The following ADGRB1 variants were observed in gnomAD, a reference collection of about 807,000 sequenced individuals.
ADGRB1 encodes brain-specific angiogenesis inhibitor 1.
In ADGRB1, 36 loss-of-function variants were observed where a neutral mutation model predicts 175.7. The observed-to-expected ratio is 0.20, with a 90% CI of 0.16 to 0.27. The LOEUF is 0.27. ADGRB1 is among the 10% of genes least tolerant of loss of function. The probability of loss-of-function intolerance (pLI) is 1.00; values close to 1 mark genes in which losing one functional copy is unlikely to be tolerated. For synonymous variants in ADGRB1, 1,054 were observed against 979.4 expected (o/e 1.08, Z -1.42); for missense variants, 1,731 against 2,255.3 (o/e 0.77, Z 4.71).
chr8:142,477,644 A>G, intron 6 of ADGRB1, 95 bp downstream of exon 6: 1 of 1,442,550 alleles, frequency 6.9e-7, no homozygotes, highest in East Asian at 2.4e-5. Flanking sequence ...AGCTTTGCCC[A>G]CTCCAGACCC....
chr8:142,540,265 G>A (rs1845186562), intron 27 of ADGRB1, among the ~76,000 whole-genome samples: 1 of 152,244 alleles, frequency 6.6e-6, no homozygotes. Context: ...GCTTCCTGGA[G>A]GAAGTGACTT....
intron 25 of ADGRB1, 31 bp from the exon 26 acceptor site, chr8:142,536,956 G>T: frequency 6.5e-7 from 1 of 1,545,174 alleles, no homozygotes. Context: ...GGGCGTGGCT[G>T]CCACTGAGGT....
intron 2 of ADGRB1, among the ~76,000 whole-genome samples, chr8:142,469,696 C>G (rs547042986): frequency 6.9e-6 from 1 of 144,468 alleles, no homozygotes; most frequent in African/African-American, 2.5e-5. Context: ...TGAATGTGTG[C>G]GTGCCTGTGT....
Position 142,460,726 on chromosome 8 carries a change from ACCT to A in ADGRB1, c.-219-3248_-219-3246del, listed in dbSNP as rs1014802880. Among the ~76,000 whole-genome samples, 12 of 151,820 alleles carry A rather than the reference ACCT, an allele frequency of 7.9e-5. 1 individual carries two copies. The highest frequency in any genetic ancestry group is 3.4e-3 in the Middle Eastern group (1 of 294). On this transcript the variant is annotated intron_variant, in intron 1 of 30. Transcript: ENST00000517894. ...CCCTTAGCCCCTCCTCCCTGAAGGTACCTCCTCCCTCCTCCCTCTCCAGGCCAG... is the reference window on the plus strand; with the variant it reads ...CCCTTAGCCCCTCCTCCCTGAAGGTACCTCCCTCCTCCCTCTCCAGGCCAG...
rs183793705 is a variant in ADGRB1, at chr8:142,503,256, C to T, written c.2676-7676C>T. 1.4e-3 allele frequency among the ~76,000 whole-genome samples: 214 copies of T among 152,000 alleles called. 1 individual carries two copies. The Middle Eastern group carries it at 0.031, about 22-fold the overall frequency. Reference sequence around the variant, plus strand: ...GGAAATGGCGGGAGAGCCAAGGGAGCGCTTCCGAGGTCATGGCGGTCTGGG... The same window carrying T: ...GGAAATGGCGGGAGAGCCAAGGGAGTGCTTCCGAGGTCATGGCGGTCTGGG... On this transcript the variant is annotated intron_variant, in intron 17 of 30. Coordinates refer to ENST00000517894, the MANE Select transcript of ADGRB1 (RefSeq NM_001702.3).
At position 142,478,204 on chromosome 8, in the gene ADGRB1, A is replaced by T. The variant is rs1841101313; in HGVS notation, c.1405A>T (p.Asn469Tyr). ...ALCPGRAVDG[N>Y]WNEWSSWSAC... Reference sequence around the variant, plus strand: ...TCCCCCGGGCCGGGCAGTGGATGGAAACTGGAATGAGTGGTCGAGCTGGAG... The same window carrying T: ...TCCCCCGGGCCGGGCAGTGGATGGATACTGGAATGAGTGGTCGAGCTGGAG... Residue 469 changes from asparagine to tyrosine, a missense_variant, in exon 7 of 31, where the codon AAC (asparagine) becomes TAC (tyrosine). Asn to Tyr is a moderately radical substitution (Grantham distance 143). Transcript: ENST00000517894. 1 of 1,606,946 alleles carries T rather than the reference A, an allele frequency of 6.2e-7. No individual in the cohort carries two copies. Among genetic ancestry groups the T allele is most frequent in the Admixed American group, 1.7e-5 (1 of 59,144 alleles).
intron 25 of ADGRB1, among the ~76,000 whole-genome samples, chr8:142,534,824 GGGCCAGGC>G (rs1844834622): frequency 6.7e-6 from 1 of 150,112 alleles, no homozygotes; most frequent in Non-Finnish European, 1.5e-5. Context: ...CACGCCACAT[GGGCCAGGC>G]CCTGGTCCCA....
chr8:142,479,804 G>A lies in ADGRB1; in HGVS notation c.1828+10G>A, dbSNP rs1841231304. 2 of 1,608,654 alleles carry A rather than the reference G, an allele frequency of 1.2e-6. No homozygotes were observed. The highest frequency in any genetic ancestry group is 1.1e-5 in the South Asian group (1 of 90,694). On this transcript the variant is annotated intron_variant, in intron 9 of 30. Coordinates refer to ENST00000517894, the MANE Select transcript of ADGRB1 (RefSeq NM_001702.3). ...CCCCGCAACGCCACAGGTGAGGGCT[G>A]GAGAGCACGTGGTGTATGGGGGCTC...
intron 22 of ADGRB1, among the ~76,000 whole-genome samples, chr8:142,523,385 C>A (rs548793801): frequency 2.4e-5 from 2 of 83,246 alleles, no homozygotes; most frequent in Non-Finnish European, 4.7e-5. Context: ...GAGGAAGTGA[C>A]TGATGCTGGC....
rs769636077 is a variant in ADGRB1, at chr8:142,464,588, C to G, written c.390C>G (p.Ser130=). ...AGGTGCTGCGGCTCTGCGACCCCTC[C>G]GCACCCCTGGCCTTCCTGCAGGCCA... The part of the protein sequence containing the change: ...FDEVLRLCDP[S]APLAFLQASK... Residue 130 remains serine (S), a synonymous_variant, in exon 2 of 31, where the codon TCC becomes TCG. Coordinates refer to ENST00000517894, the MANE Select transcript of ADGRB1 (RefSeq NM_001702.3). 8.5e-6 allele frequency: 13 copies of G among 1,533,382 alleles called. No homozygotes were observed. The highest frequency in any genetic ancestry group is 1.1e-5 in the Non-Finnish European group (13 of 1,142,590). The allele number at this position is 1,533,382 out of a possible 1,614,324, so 95.0% of individuals were successfully genotyped here. A position where few individuals can be genotyped will look rare whatever the true frequency, so the allele number is the denominator to read the frequency against.
rs1026090761 is a variant in ADGRB1, at chr8:142,504,479, G to C, written c.2676-6453G>C. On this transcript the variant is annotated intron_variant, in intron 17 of 30. Coordinates refer to ENST00000517894, the MANE Select transcript of ADGRB1 (RefSeq NM_001702.3). This position sits in a 1 kb window ranked among gnomAD's most constrained non-coding sequence, Gnocchi z 5.6. ...AGGGAGGCCCCTCTGGGATGGTCGC[G>C]GGGGGCTCTGGCTGCTGGGTGAGGC... 1.4e-4 allele frequency among the ~76,000 whole-genome samples: 21 copies of C among 152,284 alleles called. No homozygotes were observed. Among genetic ancestry groups the C allele is most frequent in the Admixed American group, 3.9e-4 (6 of 15,314 alleles).
In ADGRB1 at chr8:142,537,494, A is replaced by T. The variant is rs899608646; in HGVS notation, c.3666+412A>T. The stretch of plus-strand genomic sequence containing the variant: ...CAGCTGCCACCTAGGGGTCCAGCCT[A>T]GCCTGCCCATCCCCTCCCCCTACCC... On this transcript the variant is annotated intron_variant, in intron 26 of 30. Coordinates refer to ENST00000517894, the MANE Select transcript of ADGRB1 (RefSeq NM_001702.3). This position sits in a 1 kb window ranked among gnomAD's most constrained non-coding sequence, Gnocchi z 4.6. 3.3e-5 allele frequency among the ~76,000 whole-genome samples: 5 copies of T among 151,764 alleles called. No individual in the cohort carries two copies. The highest frequency in any genetic ancestry group is 9.7e-5 in the African/African-American group (4 of 41,294).
intron 18 of ADGRB1, among the ~76,000 whole-genome samples, chr8:142,513,539 G>A (rs993596382): frequency 2.6e-5 from 4 of 152,166 alleles, no homozygotes; most frequent in East Asian, 1.9e-4. Flanking sequence ...TTTGTCCACC[G>A]TGCCGATCCC....
At chr8:142,539,094 G>A (rs894753517) in intron 26 of ADGRB1, among the ~76,000 whole-genome samples, 7 of 152,160 alleles carry the variant, frequency 4.6e-5, no homozygotes, top group African/African-American at 1.7e-4. Context: ...GAATCCACAC[G>A]CAAACACAGG....
At chr8:142,520,576 GGTGATGGTGGTACTGATT>G (rs2132123039) in intron 19 of ADGRB1, among the ~76,000 whole-genome samples, 2 of 150,904 alleles carry the variant, frequency 1.3e-5, no homozygotes, top group South Asian at 4.3e-4. Context: ...GTGTGGTGGT[GGTGATGGTGGTACTGATT>G]GTGATGGTGG....
rs1208912507 is a variant in ADGRB1, at chr8:142,464,114, G to T, written c.-85G>T. 6.4e-6 allele frequency: 7 copies of T among 1,089,318 alleles called. No individual in the cohort carries two copies. Among genetic ancestry groups the T allele is most frequent in the Non-Finnish European group, 8.0e-6 (7 of 880,402 alleles). 67.5% of individuals were successfully genotyped at this position (1,089,318 alleles called of 1,614,324 possible). ...TCCCTGCCCCCACCGGGCCGGCCCTGCCCGCCGCCGGACCCTGGCATGTCA... is the reference window on the plus strand; with the variant it reads ...TCCCTGCCCCCACCGGGCCGGCCCTTCCCGCCGCCGGACCCTGGCATGTCA... On this transcript the variant is annotated 5_prime_UTR_variant, in exon 2 of 31. Transcript: ENST00000517894.
chr8:142,519,705 T>G (rs1336966582), intron 19 of ADGRB1, among the ~76,000 whole-genome samples: 1 of 138,056 alleles, frequency 7.2e-6, no homozygotes, highest in African/African-American at 2.9e-5. Context: ...TGTGATGGTG[T>G]TGGTGGTGCT....
intron 24 of ADGRB1, among the ~76,000 whole-genome samples, chr8:142,529,468 C>T (rs543468562): frequency 1.1e-4 from 17 of 152,248 alleles, no homozygotes; most frequent in South Asian, 4.1e-4. Context: ...AGTTCTCTGC[C>T]GCCAGTGCCA....
chr8:142,543,352 G>A lies in ADGRB1; in HGVS notation c.4414-51G>A. Reference sequence around the variant, plus strand: ...CTCAGTCTGAGGCAGGGAGAGGCGTGGACTTGTCAGGGACCCTTGGCGAAT... The same window carrying A: ...CTCAGTCTGAGGCAGGGAGAGGCGTAGACTTGTCAGGGACCCTTGGCGAAT... On this transcript the variant is annotated intron_variant, in intron 28 of 30. Transcript: ENST00000517894. The surrounding 1 kb of genome is among the most constrained non-coding windows in gnomAD (Gnocchi z 4.4). 1 of 1,610,474 alleles carries A rather than the reference G, an allele frequency of 6.2e-7. No individual in the cohort carries two copies. Among genetic ancestry groups the A allele is most frequent in the South Asian group, 1.1e-5 (1 of 90,448 alleles).
Sources: allele counts gnomAD v4.1 joint callset (sites outside exome capture counted in the v4.1 genomes callset), GRCh38; gene constraint gnomAD v4.1.1; non-coding constraint Gnocchi (gnomAD v3.1); transcripts MANE v1.5; gene names NCBI Gene and HGNC (gene_info 2026-07-23, HGNC 2026-07-21).